Variants in ANK3 observed in about 807,000 individuals in gnomAD.
ANK3 encodes the protein ankyrin 3.
In ANK3, 57 loss-of-function variants were observed where a neutral mutation model predicts 370.9. The observed-to-expected ratio is 0.15, with a 90% CI of 0.12 to 0.19. The LOEUF (loss-of-function observed/expected upper bound fraction) is 0.19. Ranked by LOEUF, ANK3 falls within the 10% of genes least tolerant of loss-of-function variation. The pLI is 1.00. For missense variants in ANK3, 4,439 were observed against 5,302.1 expected (o/e 0.84, Z 5.06); for synonymous variants, 1,929 against 1,946.3 (o/e 0.99, Z 0.23).
intron 24 of ANK3, among the ~76,000 whole-genome samples, chr10:60,137,839 A>G (rs567764139): frequency 2.6e-5 from 4 of 152,274 alleles, no homozygotes; most frequent in Non-Finnish European, 4.4e-5. Flanking sequence ...AATCTCTACA[A>G]TTTAAACAAG....
chr10:60,302,440 C>T (rs1328584872), intron 1 of ANK3, among the ~76,000 whole-genome samples: 1 of 152,008 alleles, frequency 6.6e-6, no homozygotes, highest in African/African-American at 2.4e-5. Context: ...ATTATAATAT[C>T]AGATATTATA....
chr10:60,230,033 A>G (rs554304007), intron 8 of ANK3, among the ~76,000 whole-genome samples: 64 of 152,304 alleles, frequency 4.2e-4, no homozygotes, highest in African/African-American at 1.5e-3. Flanking sequence ...TACCAACACT[A>G]CCGGGGATTC....
intron 2 of ANK3, among the ~76,000 whole-genome samples, chr10:60,436,586 G>T (rs1300432595): frequency 6.6e-6 from 1 of 152,130 alleles, no homozygotes; most frequent in Non-Finnish European, 1.5e-5. Context: ...TGTCGTTGTT[G>T]GCCATTTGTA....
At chr10:60,448,130 T>C (rs1414957155) in intron 2 of ANK3, among the ~76,000 whole-genome samples, 2 of 152,134 alleles carry the variant, frequency 1.3e-5, no homozygotes, top group South Asian at 4.2e-4. Context: ...GCAGGGAAAG[T>C]CTGCAGCATT....
chr10:60,177,374 T>G (rs1254635588), intron 18 of ANK3, among the ~76,000 whole-genome samples: 1 of 152,174 alleles, frequency 6.6e-6, no homozygotes, highest in Non-Finnish European at 1.5e-5. Context: ...TGTGAGTCAT[T>G]TCTTGGGTTT....
intron 7 of ANK3, among the ~76,000 whole-genome samples, chr10:60,243,647 A>G (rs2097507710): frequency 6.6e-6 from 1 of 152,232 alleles, no homozygotes; most frequent in African/African-American, 2.4e-5. Context: ...GTAGAGTCTT[A>G]AGAATGGTGC....
At chr10:60,718,313 C>A (rs2079817536) in intron 1 of ANK3, among the ~76,000 whole-genome samples, 1 of 152,090 alleles carries the variant, frequency 6.6e-6, no homozygotes, top group African/African-American at 2.4e-5. Context: ...TAATAAACAA[C>A]CTTTGCTTTT....
intron 2 of ANK3, among the ~76,000 whole-genome samples, chr10:60,511,954 A>G (rs2076095398): frequency 1.3e-5 from 2 of 152,058 alleles, no homozygotes; most frequent in South Asian, 4.1e-4. Flanking sequence ...TGAAATAGCT[A>G]TCCTGAAATT....
intron 2 of ANK3, among the ~76,000 whole-genome samples, chr10:60,580,498 A>C (rs1414786535): frequency 6.6e-6 from 1 of 152,202 alleles, no homozygotes; most frequent in East Asian, 1.9e-4. Context: ...TTAAAATAAG[A>C]ATTTTCCATG....
rs191674185 is a variant in ANK3, at chr10:60,168,835, G to A, written c.2479-1939C>T. ...CTCCGTTAGTTTGCTGAGGATAACAGCTTCCAGCTCCATCCATGTCCCTGC... is the reference window on the plus strand; with the variant it reads ...CTCCGTTAGTTTGCTGAGGATAACAACTTCCAGCTCCATCCATGTCCCTGC... On this transcript the variant is annotated intron_variant, in intron 21 of 43. Transcript: ENST00000280772. 2.3e-3 allele frequency among the ~76,000 whole-genome samples: 347 copies of A among 152,254 alleles called. 3 individuals carry two copies. Among genetic ancestry groups the A allele is most frequent in the African/African-American group, 8.1e-3 (335 of 41,536 alleles).
chr10:60,580,072 T>C (rs1255198928), intron 2 of ANK3, among the ~76,000 whole-genome samples: 1 of 152,214 alleles, frequency 6.6e-6, no homozygotes, highest in Non-Finnish European at 1.5e-5. Context: ...AAAAAAATAT[T>C]ATGCTGTGTT....
At chr10:60,351,262 A>C (rs1359518354) in intron 1 of ANK3, among the ~76,000 whole-genome samples, 3 of 152,198 alleles carry the variant, frequency 2.0e-5, no homozygotes, top group African/African-American at 7.2e-5. Flanking sequence ...TCAGACTGGG[A>C]AAGTTTTTCT....
At position 60,082,133 on chromosome 10, in the gene ANK3, A is replaced by G. The variant is rs760937755; in HGVS notation, c.4350+17T>C. Reference sequence around the variant, plus strand: ...ATTCTACTTCTGATAGAATAAAAGCAGAAGTGTTTATATTACCTCATCATC... The same window carrying G: ...ATTCTACTTCTGATAGAATAAAAGCGGAAGTGTTTATATTACCTCATCATC... On this transcript the variant is annotated intron_variant, in intron 35 of 43. Transcript: ENST00000280772. 1 of 1,603,000 alleles carries G rather than the reference A, an allele frequency of 6.2e-7. No homozygotes were observed. The highest frequency in any genetic ancestry group is 1.1e-5 in the South Asian group (1 of 90,124).
At chr10:60,643,503 T>TCTACCTAC (rs759372522) in intron 1 of ANK3, among the ~76,000 whole-genome samples, 1 of 55,676 alleles carries the variant, frequency 1.8e-5, no homozygotes. Flanking sequence ...CCCCTTTATA[T>TCTACCTAC]CTATCTATCT....
In ANK3 at chr10:60,109,330, G is replaced by A. The variant is rs191121823; in HGVS notation, c.2949-276C>T. ...AGGCTCAAATGGAAGGAATAAGGAAGGTTTCAAAACTGGAGTAAAATCGGT... is the reference window on the plus strand; with the variant it reads ...AGGCTCAAATGGAAGGAATAAGGAAAGTTTCAAAACTGGAGTAAAATCGGT... On this transcript the variant is annotated intron_variant, in intron 26 of 43. Transcript: ENST00000280772. Among the ~76,000 whole-genome samples the A allele has an allele frequency of 7.2e-5, 11 of 152,148 alleles. 1 individual carries two copies. In the East Asian group the frequency reaches 2.1e-3, roughly 29 times the overall value.
chr10:60,447,518 T>G (rs192052429), intron 2 of ANK3, among the ~76,000 whole-genome samples: 4 of 152,264 alleles, frequency 2.6e-5, no homozygotes, highest in Admixed American at 2.0e-4. Flanking sequence ...GTTCTTGTCA[T>G]TGACATTAAC....
At chr10:60,300,513 T>G in intron 1 of ANK3, 1 of 1,234,774 alleles carries the variant, frequency 8.1e-7, no homozygotes, top group African/African-American at 1.6e-5. Flanking sequence ...AGTATTTAAA[T>G]GGAGGGTGGG....
At chr10:60,531,871 C>T (rs10761516) in intron 2 of ANK3, among the ~76,000 whole-genome samples, 88,516 of 151,864 alleles carry the variant, frequency 0.58, 26,264 homozygotes, top group East Asian at 0.79. Flanking sequence ...AAAGATATCT[C>T]TAGGAATGGG....
chr10:60,402,746 A>C (rs982022923), intron 2 of ANK3, among the ~76,000 whole-genome samples: 3 of 152,144 alleles, frequency 2.0e-5, no homozygotes, highest in African/African-American at 7.2e-5. Context: ...CATGTGGCCC[A>C]TCACCCCCCA....
Sources: allele counts gnomAD v4.1 joint callset (sites outside exome capture counted in the v4.1 genomes callset), GRCh38; gene constraint gnomAD v4.1.1; transcripts MANE v1.5; gene names NCBI Gene and HGNC (gene_info 2026-07-23, HGNC 2026-07-21).